Variants in AGBL4 observed in about 807,000 individuals in gnomAD.
AGBL4 encodes cytosolic carboxypeptidase 6.
In AGBL4, 58 loss-of-function variants were observed where a neutral mutation model predicts 66.4. The ratio of observed to expected loss-of-function variants is 0.87; its 90% CI spans 0.71 to 1.09. The LOEUF (loss-of-function observed/expected upper bound fraction) is 1.09, where lower values mean the gene tolerates loss of function less well. Among genes scored for constraint, AGBL4 ranks in the 50% least tolerant of loss-of-function variants. The pLI is 0.00. For missense variants in AGBL4, 579 were observed against 631.0 expected (o/e 0.92, Z 0.88); for synonymous variants, 234 against 222.9 (o/e 1.05, Z -0.44).
In AGBL4 at chr1:49,997,164, G is replaced by A. The variant is rs555968871; in HGVS notation, c.34+26599C>T. On this transcript the variant is annotated intron_variant, in intron 1 of 13. Coordinates refer to ENST00000371839, the MANE Select transcript of AGBL4 (RefSeq NM_032785.4). ...ATATAATGAAAAAAATGAGGTATTC[G>A]GGCAACAGACAGCATGATGAATAGA... Among the ~76,000 whole-genome samples, 5 of 151,864 alleles carry A rather than the reference G, an allele frequency of 3.3e-5. No individual in the cohort carries two copies. In the South Asian group the frequency reaches 6.3e-4, roughly 19 times the overall value.
chr1:49,523,400 C>A (rs376222641), intron 3 of AGBL4, among the ~76,000 whole-genome samples: 1 of 152,026 alleles, frequency 6.6e-6, no homozygotes, highest in Non-Finnish European at 1.5e-5. Context: ...CATTACACAG[C>A]GCAGAGTCAT....
chr1:49,128,200 A>ATC lies in AGBL4; in HGVS notation c.378-82402_378-82401dup, dbSNP rs1305737986. Among the ~76,000 whole-genome samples, 6 of 152,222 alleles carry ATC rather than the reference A, an allele frequency of 3.9e-5. No individual in the cohort carries two copies. In the East Asian group the frequency reaches 1.2e-3, roughly 29 times the overall value. ...AGGAAAAATTCACTGGATAGAATTAATCTCAGATTAGACACTGCAGAAGTA... is the reference window on the plus strand; with the variant it reads ...AGGAAAAATTCACTGGATAGAATTAATCTCTCAGATTAGACACTGCAGAAGTA... On this transcript the variant is annotated intron_variant, in intron 4 of 13. Transcript: ENST00000371839.
intron 5 of AGBL4, among the ~76,000 whole-genome samples, chr1:48,931,365 C>G (rs1282727981): frequency 6.6e-6 from 1 of 152,144 alleles, no homozygotes; most frequent in African/African-American, 2.4e-5. Flanking sequence ...ACTAAATGGA[C>G]AGAAACACTC....
In AGBL4 at chr1:49,851,483, T is replaced by G; in HGVS notation, c.70A>C (p.Asn24His). ...DMGNDDAIGG[N>H]VSKYIVLPTG... The stretch of plus-strand genomic sequence containing the variant: ...GGAAGCACTATATATTTGCTCACAT[T>G]CCCTCCAATGGCATCATCATTTCCC... The change falls in exon 2 of 14, where the codon AAT becomes CAT. Residue 24 changes from asparagine (N) to histidine (H), a missense_variant. Physicochemically the swap from Asn to His is moderately conservative, Grantham distance 68. Transcript: ENST00000371839. The G allele has an allele frequency of 6.5e-7, 1 of 1,550,124 alleles. No individual in the cohort carries two copies. Among genetic ancestry groups the G allele is most frequent in the Non-Finnish European group, 8.7e-7 (1 of 1,146,098 alleles).
intron 3 of AGBL4, among the ~76,000 whole-genome samples, chr1:49,560,023 TA>T (rs1643995764): frequency 1.3e-5 from 2 of 152,088 alleles, no homozygotes; most frequent in Admixed American, 6.6e-5. Flanking sequence ...TAAACAACCC[TA>T]AACAGTGAAG....
chr1:49,950,730 G>A (rs540067834), intron 1 of AGBL4, among the ~76,000 whole-genome samples: 1 of 151,736 alleles, frequency 6.6e-6, no homozygotes, highest in Admixed American at 6.6e-5. Context: ...TCCCACCCTG[G>A]CAAGGGTATC....
At chr1:49,003,814 G>A (rs541197680) in intron 5 of AGBL4, among the ~76,000 whole-genome samples, 57 of 152,236 alleles carry the variant, frequency 3.7e-4, no homozygotes, top group Non-Finnish European at 1.5e-4. Flanking sequence ...AATAATCTCT[G>A]GAAATCACCT....
intron 2 of AGBL4, among the ~76,000 whole-genome samples, chr1:49,714,554 G>C (rs928886354): frequency 7.1e-6 from 1 of 140,596 alleles, no homozygotes; most frequent in African/African-American, 2.9e-5. Flanking sequence ...GTTTGTTATA[G>C]TTGAGTAGTA....
At chr1:49,482,097 G>A (rs1003402290) in intron 3 of AGBL4, among the ~76,000 whole-genome samples, 2 of 151,720 alleles carry the variant, frequency 1.3e-5, no homozygotes, top group African/African-American at 4.8e-5. Flanking sequence ...TGTTTTTGTT[G>A]TATCTCTGCC....
chr1:49,093,612 C>T (rs1645038450), intron 4 of AGBL4, among the ~76,000 whole-genome samples: 1 of 152,110 alleles, frequency 6.6e-6, no homozygotes, highest in African/African-American at 2.4e-5. Flanking sequence ...GATTCTGTGA[C>T]TAGATGACTT....
chr1:49,075,234 G>A (rs1331970010), intron 4 of AGBL4, among the ~76,000 whole-genome samples: 1 of 152,102 alleles, frequency 6.6e-6, no homozygotes, highest in Non-Finnish European at 1.5e-5. Context: ...GTAAATAAAA[G>A]AGAAAATGAA....
chr1:48,897,749 C>T (rs182307199), intron 5 of AGBL4, among the ~76,000 whole-genome samples: 2 of 151,078 alleles, frequency 1.3e-5, no homozygotes, highest in Admixed American at 6.6e-5. Flanking sequence ...TTTTCATATA[C>T]CTGTTGGCCA....
chr1:49,526,669 T>C (rs1650684440), intron 3 of AGBL4, among the ~76,000 whole-genome samples: 1 of 151,992 alleles, frequency 6.6e-6, no homozygotes, highest in Non-Finnish European at 1.5e-5. Context: ...GACAAGTCAA[T>C]GTCTAGAAGA....
intron 5 of AGBL4, among the ~76,000 whole-genome samples, chr1:48,873,307 A>G (rs565437726): frequency 1.3e-5 from 2 of 152,208 alleles, no homozygotes; most frequent in South Asian, 2.1e-4. Context: ...GTTCCCTCTA[A>G]TTGGAACAAC....
chr1:48,974,234 A>G (rs1659141172), intron 5 of AGBL4, among the ~76,000 whole-genome samples: 1 of 152,108 alleles, frequency 6.6e-6, no homozygotes, highest in Non-Finnish European at 1.5e-5. Flanking sequence ...GCCAACAGAG[A>G]GAGCTTGAGC....
intron 2 of AGBL4, among the ~76,000 whole-genome samples, chr1:49,841,540 T>A (rs1022463235): frequency 2.0e-5 from 3 of 151,826 alleles, no homozygotes; most frequent in Non-Finnish European, 4.4e-5. Flanking sequence ...CCCAAAGTAA[T>A]CCTAAGAAAA....
chr1:49,145,451 T>G (rs766227225), intron 4 of AGBL4, among the ~76,000 whole-genome samples: 8 of 152,208 alleles, frequency 5.3e-5, no homozygotes, highest in Non-Finnish European at 1.2e-4. Flanking sequence ...TATTGATCAT[T>G]TTGTATGTGT....
chr1:49,477,753 G>A lies in AGBL4; in HGVS notation c.282+219560C>T, dbSNP rs78034000. Among the ~76,000 whole-genome samples, 108 of 152,034 alleles carry A rather than the reference G, an allele frequency of 7.1e-4. 2 individuals carry two copies. In the East Asian group the frequency reaches 0.02, roughly 28 times the overall value. Reference sequence around the variant, plus strand: ...AAAACAATCCTGGAGAAAGAGATATGTGACCTTTCAGACAGAGAATTCAAA... The same window carrying A: ...AAAACAATCCTGGAGAAAGAGATATATGACCTTTCAGACAGAGAATTCAAA... On this transcript the variant is annotated intron_variant, in intron 3 of 13. Transcript: ENST00000371839.
At chr1:49,119,877 T>C (rs1039848789) in intron 4 of AGBL4, among the ~76,000 whole-genome samples, 2 of 152,194 alleles carry the variant, frequency 1.3e-5, no homozygotes, top group Non-Finnish European at 2.9e-5. Context: ...ATTGGGTGCA[T>C]ATATATTTAG....
Sources: allele counts gnomAD v4.1 joint callset (sites outside exome capture counted in the v4.1 genomes callset), GRCh38; gene constraint gnomAD v4.1.1; transcripts MANE v1.5; gene names NCBI Gene and HGNC (gene_info 2026-07-23, HGNC 2026-07-21).